ATP13A3: variants seen among roughly 807,000 people sequenced by gnomAD.
The protein encoded by ATP13A3 is ATPase 13A3.
ATP13A3 carries 59 observed loss-of-function variants against 158.1 expected under a neutral mutation model. The ratio of observed to expected loss-of-function variants is 0.37; its 90% confidence interval spans 0.30 to 0.46. ATP13A3 has a LOEUF of 0.46. ATP13A3 is among the 20% of genes least tolerant of loss of function. The pLI is 1.00. For missense variants in ATP13A3, 1,166 were observed against 1,525.2 expected (o/e 0.76, Z 3.92); for synonymous variants, 491 against 504.3 (o/e 0.97, Z 0.35).
Position 194,448,582 on chromosome 3 carries a change from T to C in ATP13A3, c.1025A>G (p.Lys342Arg). 2 of 1,613,830 alleles carry C rather than the reference T, an allele frequency of 1.2e-6. No homozygotes were observed. Among genetic ancestry groups the C allele is most frequent in the Middle Eastern group, 1.7e-4 (1 of 6,054 alleles). The change falls in exon 12 of 34, where the codon AAA becomes AGA. Residue 342 changes from lysine to arginine, a missense_variant. Coordinates refer to ENST00000645319, the MANE Select transcript of ATP13A3 (RefSeq NM_001367549.1). The surrounding 1 kb of genome is among the most constrained non-coding windows in gnomAD (Gnocchi z 4.0). The stretch of plus-strand genomic sequence containing the variant: ...ATTATATAATTCATCTCCTATTCCT[T>C]TCACATCCACTGAAGGATTTGGCAA... ...TNLPNPSVDVKGIGDELYNPE... is the reference protein window; with the variant it reads ...TNLPNPSVDVRGIGDELYNPE...
intron 2 of ATP13A3, among the ~76,000 whole-genome samples, chr3:194,465,880 G>T (rs1019647619): frequency 9.2e-5 from 14 of 151,880 alleles, no homozygotes; most frequent in African/African-American, 3.1e-4. Flanking sequence ...TACTCAGGAG[G>T]GTGAGGCAGG....
chr3:194,439,166 G>C (rs1181121091), intron 16 of ATP13A3, among the ~76,000 whole-genome samples, 194 bp from the exon 17 acceptor site: 1 of 152,198 alleles, frequency 6.6e-6, no homozygotes, highest in African/African-American at 2.4e-5. Context: ...AACAAAGATG[G>C]TGAGTTAGAT....
At chr3:194,445,294 A>G (rs759990533) in intron 14 of ATP13A3, among the ~76,000 whole-genome samples, 18 of 152,360 alleles carry the variant, frequency 1.2e-4, no homozygotes, top group Admixed American at 2.6e-4. Flanking sequence ...AATTGTAAGC[A>G]ATGTAATCCC....
chr3:194,454,627 A>G (rs569784441), intron 8 of ATP13A3, among the ~76,000 whole-genome samples: 16 of 125,466 alleles, frequency 1.3e-4, no homozygotes, highest in East Asian at 9.6e-4. Context: ...AGGAGATCAA[A>G]ACATCCTGGC....
chr3:194,431,233 A>G lies in ATP13A3; in HGVS notation c.2422-7T>C. On this transcript the variant is annotated splice_polypyrimidine_tract_variant and splice_region_variant and intron_variant, in intron 22 of 33. Transcript: ENST00000645319. ...CCAATTTAACCGGAATAGCCTGTGT[A>G]TATGAGACATTGGGAACAATATTTA... 6.3e-7 allele frequency: 1 copy of G among 1,588,948 alleles called. No individual in the cohort carries two copies. The highest frequency in any genetic ancestry group is 8.6e-7 in the Non-Finnish European group (1 of 1,162,158).
chr3:194,431,197 G>A lies in ATP13A3; in HGVS notation c.2451C>T (p.Ser817=), dbSNP rs1717194563. ...AACGAGTCATTTGAAGATCCTCTAA[G>A]CTATCATGGACCAATTTAACCGGAA... ...EAIPVKLVHD[S]LEDLQMTRYH... The change falls in exon 23 of 34, where the codon AGC becomes AGT. Residue 817 remains serine (S), a synonymous_variant. Coordinates refer to ENST00000645319, the MANE Select transcript of ATP13A3 (RefSeq NM_001367549.1). 1 of 1,613,620 alleles carries A rather than the reference G, an allele frequency of 6.2e-7. No homozygotes were observed. The highest frequency in any genetic ancestry group is 8.5e-7 in the Non-Finnish European group (1 of 1,179,600).
Position 194,425,342 on chromosome 3 carries a change from A to C in ATP13A3, c.3313T>G (p.Tyr1105Asp), listed in dbSNP as rs1716686566. 6.2e-7 allele frequency: 1 copy of C among 1,610,930 alleles called. No homozygotes were observed. The highest frequency in any genetic ancestry group is 1.3e-5 in the African/African-American group (1 of 74,690). Reference protein sequence around the residue: ...KPFRQPCYKNYFFVFSVIFLY... With the variant: ...KPFRQPCYKNDFFVFSVIFLY... Reference sequence around the variant, plus strand: ...AAATCACAATAAATGCCAAACTTACAATTTTTGTAGCAAGGTTGCCTGAAG... The same window carrying C: ...AAATCACAATAAATGCCAAACTTACCATTTTTGTAGCAAGGTTGCCTGAAG... Residue 1105 changes from tyrosine (Y) to aspartate (D), a missense_variant and splice_region_variant, in exon 30 of 34, where the codon TAT becomes GAT. Tyr to Asp is a radical substitution (Grantham distance 160, BLOSUM62 -3). Coordinates refer to ENST00000645319, the MANE Select transcript of ATP13A3 (RefSeq NM_001367549.1).
chr3:194,446,448 T>C (rs1718413591), intron 14 of ATP13A3, among the ~76,000 whole-genome samples: 1 of 152,230 alleles, frequency 6.6e-6, no homozygotes, highest in Non-Finnish European at 1.5e-5. Flanking sequence ...CTAGGGCTGG[T>C]TCCTGCCTCG....
At chr3:194,461,837 T>C (rs573394320) in intron 3 of ATP13A3, among the ~76,000 whole-genome samples, 1 of 152,236 alleles carries the variant, frequency 6.6e-6, no homozygotes, top group Non-Finnish European at 1.5e-5. Flanking sequence ...GAAATCTTTA[T>C]TTGGGATTGT....
rs1447676852 is a variant in ATP13A3 at position 194,404,969 on chromosome 3, TA to T, written c.*949del. The T allele has an allele frequency of 6.6e-6, 1 of 152,096 alleles. No homozygotes were observed. The highest frequency in any genetic ancestry group is 1.5e-5 in the Non-Finnish European group (1 of 68,016). The allele number at this position is 152,096 out of a possible 1,614,324, so 9.4% of individuals were successfully genotyped here. A position where few individuals can be genotyped will look rare whatever the true frequency, so the allele number is the denominator to read the frequency against. On this transcript the variant is annotated 3_prime_UTR_variant, in exon 34 of 34. Coordinates refer to ENST00000645319, the MANE Select transcript of ATP13A3 (RefSeq NM_001367549.1). Reference sequence around the variant, plus strand: ...TCAAACCTCAAAAAATTTTATGAGGTAAAATTCTAACTTAAAAAAAACTATT... The same window carrying T: ...TCAAACCTCAAAAAATTTTATGAGGTAAATTCTAACTTAAAAAAAACTATT...
chr3:194,433,514 A>G (rs890970821), intron 21 of ATP13A3, among the ~76,000 whole-genome samples: 1 of 152,170 alleles, frequency 6.6e-6, no homozygotes, highest in Non-Finnish European at 1.5e-5. Flanking sequence ...AAGTGCTGGG[A>G]TTACAGGCGT....
chr3:194,434,649 G>A (rs1225446146), intron 20 of ATP13A3, among the ~76,000 whole-genome samples: 1 of 152,214 alleles, frequency 6.6e-6, no homozygotes, highest in Non-Finnish European at 1.5e-5. Flanking sequence ...AGGCATTGTA[G>A]CTCATGCCTG....
In ATP13A3 at chr3:194,447,021, T is replaced by C; in HGVS notation, c.1403A>G (p.Tyr468Cys). ...GATTTTTTTCAGTCTTCTCTGAGCA[T>C]ACACAATACCAGCAGTCATTGCAGC... is the stretch of plus-strand genomic sequence containing the variant. ...LPAAMTAGIV[Y>C]AQRRLKKIGI... Residue 468 changes from tyrosine (Y) to cysteine (C), a missense_variant, in exon 14 of 34, where the codon TAT becomes TGT. Transcript: ENST00000645319. 1 of 1,613,716 alleles carries C rather than the reference T, an allele frequency of 6.2e-7. No homozygotes were observed.
intron 33 of ATP13A3, among the ~76,000 whole-genome samples, chr3:194,411,002 G>A (rs1031641970): frequency 6.6e-6 from 1 of 151,000 alleles, no homozygotes; most frequent in African/African-American, 2.4e-5. Flanking sequence ...TAAACGACTT[G>A]AGCCCCTTGT....
chr3:194,483,126 T>A (rs937648894), intron 2 of ATP13A3, among the ~76,000 whole-genome samples: 1 of 151,642 alleles, frequency 6.6e-6, no homozygotes, highest in African/African-American at 2.4e-5. Flanking sequence ...AAAAAAATTT[T>A]TTTTTAAATT....
At chr3:194,460,922 A>G (rs567558772) in intron 3 of ATP13A3, 91 bp from the exon 4 acceptor site, 8 of 1,340,098 alleles carry the variant, frequency 6.0e-6, no homozygotes, top group Non-Finnish European at 7.1e-6. Flanking sequence ...TTTTCCAGAT[A>G]GGTATTTATT....
intron 31 of ATP13A3, among the ~76,000 whole-genome samples, chr3:194,417,958 CGG>C (rs1715993488): frequency 2.6e-5 from 2 of 76,786 alleles, no homozygotes; most frequent in African/African-American, 7.2e-5. Flanking sequence ...GACGGACGGA[CGG>C]AAGGAAGGAA....
chr3:194,442,726 T>G (rs918591997), intron 15 of ATP13A3, among the ~76,000 whole-genome samples: 1 of 151,782 alleles, frequency 6.6e-6, no homozygotes, highest in African/African-American at 2.4e-5. Context: ...CATGAAAGCA[T>G]GAAATCAAGA....
upstream of ATP13A3, chr3:194,487,108 T>G (rs1023966859): frequency 5.3e-5 from 8 of 151,386 alleles, no homozygotes; most frequent in East Asian, 7.9e-4. Context: ...GGCGGGGCGA[T>G]TTATAGGCCC....
Sources: gnomAD v4.1 joint callset for allele counts (sites outside exome capture counted in the v4.1 genomes callset) on GRCh38, gnomAD v4.1.1 for gene constraint, Gnocchi (gnomAD v3.1) non-coding constraint, MANE v1.5 for transcripts, NCBI Gene and HGNC (gene_info 2026-07-23, HGNC 2026-07-21) for gene names.